KARS1: variants seen among roughly 807,000 people sequenced by gnomAD.
KARS1 encodes the protein lysine--tRNA ligase.
KARS1 carries 50 observed loss-of-function variants against 63.9 expected under a neutral mutation model. The ratio of observed to expected loss-of-function variants is 0.78; its 90% CI spans 0.62 to 0.99. The LOEUF (loss-of-function observed/expected upper bound fraction) is 0.99. Ranked by LOEUF, KARS1 falls within the 50% of genes least tolerant of loss-of-function variation. The pLI is 0.00. For synonymous variants in KARS1, 320 were observed against 264.6 expected, an observed-to-expected ratio of 1.21 and a Z score of -2.03; for missense variants, 816 against 754.5, an observed-to-expected ratio of 1.08 and a Z score of -0.95.
intron 7 of KARS1, among the ~76,000 whole-genome samples, chr16:75,633,420 A>G (rs1314974772): frequency 1.3e-5 from 2 of 152,132 alleles, no homozygotes; most frequent in African/African-American, 4.8e-5. Flanking sequence ...ACTAGTTATA[A>G]CAGTTTCTGT....
chr16:75,645,789 G>A (rs887822776), intron 1 of KARS1, among the ~76,000 whole-genome samples: 1 of 149,714 alleles, frequency 6.7e-6, no homozygotes, highest in Non-Finnish European at 1.5e-5. Flanking sequence ...GCAAGTTGCC[G>A]TGGGCTGAAA....
At chr16:75,643,896 C>G (rs993962757) in intron 1 of KARS1, among the ~76,000 whole-genome samples, 2 of 152,176 alleles carry the variant, frequency 1.3e-5, no homozygotes, top group Admixed American at 6.5e-5. Context: ...ACCAGGTGCT[C>G]CTCTTAAATC....
Position 75,627,938 on chromosome 16 carries a change from G to A in KARS1, c.1751C>T (p.Thr584Ile). ...KPEDKKENVA[T>I]TDTLESTTVG... ...TGTTGTGCTTTCCAGTGTATCAGTGGTTGCTACATTCTCCTTCTTGTCTTC... is the reference window on the plus strand; with the variant it reads ...TGTTGTGCTTTCCAGTGTATCAGTGATTGCTACATTCTCCTTCTTGTCTTC... The change falls in exon 14 of 14, where the codon ACC becomes ATC. Residue 584 changes from threonine to isoleucine, a missense_variant. Thr to Ile is a moderately conservative substitution (Grantham distance 89). Transcript: ENST00000302445. The A allele has an allele frequency of 1.2e-6, 2 of 1,611,324 alleles. No individual in the cohort carries two copies. Among genetic ancestry groups the A allele is most frequent in the South Asian group, 1.1e-5 (1 of 91,020 alleles).
At chr16:75,629,570 G>A (rs376606066) in intron 11 of KARS1, 29 bp from the exon 12 acceptor site, 38 of 1,612,742 alleles carry the variant, frequency 2.4e-5, no homozygotes, top group East Asian at 1.3e-4. Context: ...AGAGGAGGCT[G>A]AATATAGAGG....
intron 1 of KARS1, among the ~76,000 whole-genome samples, chr16:75,647,237 G>T (rs1264308046): frequency 1.3e-5 from 2 of 152,208 alleles, no homozygotes; most frequent in Non-Finnish European, 2.9e-5. Context: ...CTCAACAAAA[G>T]AATGCATTTC....
At chr16:75,637,826 A>C (rs1304774008) in intron 3 of KARS1, among the ~76,000 whole-genome samples, 1 of 150,794 alleles carries the variant, frequency 6.6e-6, no homozygotes, top group African/African-American at 2.4e-5. Flanking sequence ...TAGAGCCCAC[A>C]GAAACCCTCT....
intron 3 of KARS1, among the ~76,000 whole-genome samples, chr16:75,639,028 C>T (rs1050795571): frequency 4.6e-5 from 7 of 151,618 alleles, no homozygotes; most frequent in African/African-American, 7.3e-5. Context: ...ATTAGCTGGG[C>T]GTGGTGGCAG....
intron 3 of KARS1, among the ~76,000 whole-genome samples, chr16:75,637,900 C>CAAAAAAAAAAAAAAAAAAAAAAAAACAA (rs11386229): frequency 1.1e-5 from 1 of 93,778 alleles, no homozygotes; most frequent in Non-Finnish European, 2.3e-5. Flanking sequence ...AAAAAGAGAC[C>CAAAAAAAAAAAAAAAAAAAAAAAAACAA]AAAAAAAAAA....
At position 75,627,785 on chromosome 16, in the gene KARS1, C is replaced by A; in HGVS notation, c.*110G>T. ...CCTTGTCTCTCTTCTGATGGCTGAA[C>A]AGAACTGCGGTGTCAAATGGAAAGC... On this transcript the variant is annotated 3_prime_UTR_variant, in exon 14 of 14. Transcript: ENST00000302445. 1 of 773,844 alleles carries A rather than the reference C, an allele frequency of 1.3e-6. No individual in the cohort carries two copies. Among genetic ancestry groups the A allele is most frequent in the East Asian group, 2.5e-5 (1 of 40,604 alleles). The allele number at this position is 773,844 out of a possible 1,614,324, so 47.9% of individuals were successfully genotyped here. A position where few individuals can be genotyped will look rare whatever the true frequency, so the allele number is the denominator to read the frequency against.
Position 75,641,605 on chromosome 16 carries a change from C to G in KARS1, c.181G>C (p.Asp61His), listed in dbSNP as rs1225131785. ...TCTTCCTCAGGACCCACACCATTAT[C>G]AGTGGTGTGGTTGGTGGCAGCAGCA... ...ATAAATNHTT[D>H]NGVGPEEESV... The change falls in exon 2 of 14, where the codon GAT becomes CAT. Residue 61 changes from aspartate (D) to histidine (H), a missense_variant. By Grantham distance (81) the Asp-to-His change is moderately conservative (BLOSUM62 -1). Transcript: ENST00000302445. 3 of 1,613,718 alleles carry G rather than the reference C, an allele frequency of 1.9e-6. No individual in the cohort carries two copies. The Admixed American group carries it at 5.0e-5, about 27-fold the overall frequency.
intron 3 of KARS1, 55 bp downstream of exon 3, chr16:75,640,129 A>C: frequency 1.3e-6 from 2 of 1,489,240 alleles, no homozygotes; most frequent in South Asian, 1.1e-5. Context: ...GTGCTACTGA[A>C]GCCGCAGGCC....
chr16:75,633,340 C>G (rs549063286), intron 7 of KARS1, among the ~76,000 whole-genome samples: 108 of 152,218 alleles, frequency 7.1e-4, no homozygotes, highest in African/African-American at 2.6e-3. Context: ...GGCAGACCCC[C>G]GCAGCTAATG....
Position 75,627,938 on chromosome 16 carries a change from G to T in KARS1, c.1751C>A (p.Thr584Asn), listed in dbSNP as rs1420342929. The T allele has an allele frequency of 6.2e-7, 1 of 1,611,324 alleles. No individual in the cohort carries two copies. The highest frequency in any genetic ancestry group is 8.5e-7 in the Non-Finnish European group (1 of 1,177,498). ...TGTTGTGCTTTCCAGTGTATCAGTG[G>T]TTGCTACATTCTCCTTCTTGTCTTC... ...KPEDKKENVATTDTLESTTVG... is the reference protein window; with the variant it reads ...KPEDKKENVANTDTLESTTVG... The change falls in exon 14 of 14, where the codon ACC becomes AAC. Residue 584 changes from threonine (T) to asparagine (N), a missense_variant. Coordinates refer to ENST00000302445, the MANE Select transcript of KARS1 (RefSeq NM_005548.3).
chr16:75,631,875 A>G lies in KARS1; in HGVS notation c.916-20T>C. On this transcript the variant is annotated intron_variant, in intron 7 of 13. Transcript: ENST00000302445. ...AAGCATCTAACAACAACACATGGCCACGGTCATGACAGCTAATCTTTTTTT... is the reference window on the plus strand; with the variant it reads ...AAGCATCTAACAACAACACATGGCCGCGGTCATGACAGCTAATCTTTTTTT... The G allele has an allele frequency of 1.2e-6, 2 of 1,612,572 alleles. No homozygotes were observed. The highest frequency in any genetic ancestry group is 2.2e-5 in the East Asian group (1 of 44,860).
rs750234986 is a variant in KARS1, at chr16:75,627,863, G to A, written c.*32C>T. 4 of 1,215,514 alleles carry A rather than the reference G, an allele frequency of 3.3e-6. No individual in the cohort carries two copies. Among genetic ancestry groups the A allele is most frequent in the African/African-American group, 1.5e-5 (1 of 66,302 alleles). The allele number at this position is 1,215,514 out of a possible 1,614,324, so 75.3% of individuals were successfully genotyped here. A position where few individuals can be genotyped will look rare whatever the true frequency, so the allele number is the denominator to read the frequency against. ...TGATCTTTCGCAGAAATGCAAAGAC[G>A]CCTGAGTTATACAACTTGCAATTAT... On this transcript the variant is annotated 3_prime_UTR_variant, in exon 14 of 14. Coordinates refer to ENST00000302445, the MANE Select transcript of KARS1 (RefSeq NM_005548.3).
intron 1 of KARS1, among the ~76,000 whole-genome samples, chr16:75,646,581 A>G (rs935290305): frequency 6.6e-6 from 1 of 150,852 alleles, no homozygotes; most frequent in African/African-American, 2.4e-5. Flanking sequence ...TTTCTTTTTC[A>G]TTCAGGGTCT....
chr16:75,627,867 G>A lies in KARS1; in HGVS notation c.*28C>T, dbSNP rs1035901990. ...CTTTCGCAGAAATGCAAAGACGCCT[G>A]AGTTATACAACTTGCAATTATTATT... On this transcript the variant is annotated 3_prime_UTR_variant, in exon 14 of 14. Transcript: ENST00000302445. 1.6e-6 allele frequency: 2 copies of A among 1,264,856 alleles called. No individual in the cohort carries two copies. The highest frequency in any genetic ancestry group is 2.3e-6 in the Non-Finnish European group (2 of 861,904). The allele number at this position is 1,264,856 out of a possible 1,614,324, so 78.4% of individuals were successfully genotyped here.
Position 75,629,462 on chromosome 16 carries a change from G to A in KARS1, c.1504C>T (p.Leu502=). Residue 502 remains leucine, a synonymous_variant, in exon 12 of 14, where the codon CTG becomes TTG. Transcript: ENST00000302445. ...TGCCGCTGCCGCATGGGATCATTCAGCTCAGTATACGCATTGCATATCTCT... is the reference window on the plus strand; with the variant it reads ...TGCCGCTGCCGCATGGGATCATTCAACTCAGTATACGCATTGCATATCTCT... ...KKEICNAYTE[L]NDPMRQRQLF... The A allele has an allele frequency of 6.2e-7, 1 of 1,614,188 alleles. No individual in the cohort carries two copies. Among genetic ancestry groups the A allele is most frequent in the Non-Finnish European group, 8.5e-7 (1 of 1,180,010 alleles).
At chr16:75,635,286 AG>A (rs2082150236) in intron 6 of KARS1, 1 of 309,914 alleles carries the variant, frequency 3.2e-6, no homozygotes. Context: ...AAGTTTGGGT[AG>A]GGAAGTTAGT....
Sources: gnomAD v4.1 joint callset for allele counts (sites outside exome capture counted in the v4.1 genomes callset) on GRCh38, gnomAD v4.1.1 for gene constraint, MANE v1.5 for transcripts, NCBI Gene and HGNC (gene_info 2026-07-23, HGNC 2026-07-21) for gene names.